The following SPP2 variants were observed in gnomAD, a reference collection of about 807,000 sequenced individuals.
SPP2 encodes the protein secreted phosphoprotein 2, also known as secreted phosphoprotein 24.
Under a neutral mutation model 28.8 loss-of-function variants are expected in SPP2, and 34 were observed. That is an observed-to-expected ratio of 1.18 (90% confidence interval 0.90 to 1.57). The LOEUF (loss-of-function observed/expected upper bound fraction) is 1.57, where lower values mean the gene tolerates loss of function less well. Among genes scored for constraint, SPP2 ranks in the 40% most tolerant of loss-of-function variants. The probability of loss-of-function intolerance (pLI) is 0.00; values close to 1 mark genes in which losing one functional copy is unlikely to be tolerated. For missense variants in SPP2, 269 were observed against 263.9 expected (o/e 1.02, Z -0.13); for synonymous variants, 96 against 89.4 (o/e 1.07, Z -0.42).
At chr2:234,064,626 T>C (rs1428825788) in intron 4 of SPP2, among the ~76,000 whole-genome samples, 1 of 152,236 alleles carries the variant, frequency 6.6e-6, no homozygotes, top group Non-Finnish European at 1.5e-5. Context: ...TTCAGTGGTT[T>C]CTAGCATATT....
chr2:234,054,462 T>G (rs541438142), intron 2 of SPP2, among the ~76,000 whole-genome samples: 1 of 152,284 alleles, frequency 6.6e-6, no homozygotes, highest in East Asian at 1.9e-4. Context: ...CACCAATTTA[T>G]TTCTCAGAAT....
intron 7 of SPP2, among the ~76,000 whole-genome samples, chr2:234,075,237 G>A (rs1184316459): frequency 3.9e-5 from 6 of 152,128 alleles, no homozygotes; most frequent in Admixed American, 1.3e-4. Context: ...GTGAGTAGGC[G>A]AATTCACAAA....
At chr2:234,071,548 A>G (rs757944154) in intron 7 of SPP2, among the ~76,000 whole-genome samples, 6 of 152,254 alleles carry the variant, frequency 3.9e-5, no homozygotes, top group Non-Finnish European at 2.9e-5. Flanking sequence ...AGATGGAATT[A>G]TAGATGTCGA....
At chr2:234,070,472 A>T (rs574752727) in intron 7 of SPP2, among the ~76,000 whole-genome samples, 1 of 152,120 alleles carries the variant, frequency 6.6e-6, no homozygotes, top group Admixed American at 6.5e-5. Context: ...TTATTAATTT[A>T]TTTTTTGAGA....
intron 5 of SPP2, among the ~76,000 whole-genome samples, chr2:234,067,006 T>G: frequency 6.6e-6 from 1 of 152,264 alleles, no homozygotes. Flanking sequence ...GCTCTCCTTC[T>G]TTCTTTTCTT....
chr2:234,051,660 T>C (rs979446786), intron 2 of SPP2, among the ~76,000 whole-genome samples: 1 of 152,188 alleles, frequency 6.6e-6, no homozygotes, highest in Non-Finnish European at 1.5e-5. Flanking sequence ...CAGCAAGTCA[T>C]CTCCCTTCTT....
chr2:234,055,232 A>G (rs1212097707), intron 2 of SPP2, among the ~76,000 whole-genome samples: 1 of 152,246 alleles, frequency 6.6e-6, no homozygotes. Flanking sequence ...GGAAAAAAGA[A>G]AATCTGATGA....
At chr2:234,071,037 A>G (rs997503195) in intron 7 of SPP2, among the ~76,000 whole-genome samples, 1 of 152,110 alleles carries the variant, frequency 6.6e-6, no homozygotes, top group Non-Finnish European at 1.5e-5. Flanking sequence ...TGGCATTACC[A>G]TCCACCTAAT....
intron 7 of SPP2, among the ~76,000 whole-genome samples, chr2:234,073,082 T>C (rs1005751747): frequency 2.4e-4 from 36 of 152,116 alleles, no homozygotes; most frequent in African/African-American, 6.5e-4. Context: ...GAGATGGGGT[T>C]TCACCATGTT....
intron 6 of SPP2, 115 bp from the exon 7 acceptor site, chr2:234,069,813 T>C (rs994993942): frequency 1.3e-6 from 1 of 766,224 alleles, no homozygotes; most frequent in African/African-American, 1.7e-5. Context: ...TCATGGCAGA[T>C]GGGTTCAGGT....
intron 2 of SPP2, among the ~76,000 whole-genome samples, 161 bp downstream of exon 2, chr2:234,051,256 T>C (rs114251288): frequency 0.011 from 1,746 of 152,306 alleles, 18 homozygotes; most frequent in Middle Eastern, 0.048. Context: ...AAAGATTTAA[T>C]TACAATTTTT....
chr2:234,067,366 A>T, intron 6 of SPP2, 92 bp downstream of exon 6: 1 of 1,154,334 alleles, frequency 8.7e-7, no homozygotes, highest in African/African-American at 1.5e-5. Flanking sequence ...TTCCTGTTTC[A>T]TAGGAGTTAA....
intron 6 of SPP2, among the ~76,000 whole-genome samples, chr2:234,067,652 C>T (rs1402950882): frequency 6.6e-6 from 1 of 151,914 alleles, no homozygotes; most frequent in Non-Finnish European, 1.5e-5. Flanking sequence ...TGGTGGGCGC[C>T]TGTAGTCCCA....
chr2:234,058,723 T>A, intron 2 of SPP2, 113 bp from the exon 3 acceptor site: 1 of 1,254,188 alleles, frequency 8.0e-7, no homozygotes, highest in African/African-American at 1.5e-5. Flanking sequence ...AATTTATTGC[T>A]TTCATGGTGG....
rs941995023 is a variant in SPP2, at chr2:234,077,010, C to T, written c.*176C>T. 1.3e-5 allele frequency: 2 copies of T among 152,050 alleles called. No homozygotes were observed. The highest frequency in any genetic ancestry group is 4.8e-5 in the African/African-American group (2 of 41,390). The allele number at this position is 152,050 out of a possible 1,614,324, so 9.4% of individuals were successfully genotyped here. On this transcript the variant is annotated 3_prime_UTR_variant, in exon 8 of 8. Transcript: ENST00000168148. ...CCACGGTGGTCTGACCCTCACACTCCTTTTCTCTTAACAGCAAAATGCAAT... is the reference window on the plus strand; with the variant it reads ...CCACGGTGGTCTGACCCTCACACTCTTTTTCTCTTAACAGCAAAATGCAAT...
intron 7 of SPP2, among the ~76,000 whole-genome samples, chr2:234,074,775 T>C (rs1690862781): frequency 6.6e-6 from 1 of 152,212 alleles, no homozygotes; most frequent in African/African-American, 2.4e-5. Context: ...AACCTTGCTT[T>C]ATGTGTGTTT....
At chr2:234,054,499 G>C (rs533318666) in intron 2 of SPP2, among the ~76,000 whole-genome samples, 1 of 152,164 alleles carries the variant, frequency 6.6e-6, no homozygotes, top group Non-Finnish European at 1.5e-5. Flanking sequence ...TGGGATGAGG[G>C]TGCCAGCATG....
chr2:234,065,335 G>A (rs548405039), intron 4 of SPP2, among the ~76,000 whole-genome samples: 27 of 152,150 alleles, frequency 1.8e-4, no homozygotes, highest in Admixed American at 1.2e-3. Flanking sequence ...TCTGGAGTGC[G>A]GTGGCACAAT....
At chr2:234,058,993 A>C in intron 3 of SPP2, 35 bp downstream of exon 3, 1 of 1,594,738 alleles carries the variant, frequency 6.3e-7, no homozygotes, top group Non-Finnish European at 8.5e-7. Context: ...GAAATGAACA[A>C]AAGGAAGAGC....
Sources: gnomAD v4.1 joint callset for allele counts (sites outside exome capture counted in the v4.1 genomes callset) on GRCh38, gnomAD v4.1.1 for gene constraint, MANE v1.5 for transcripts, NCBI Gene and HGNC (gene_info 2026-07-23, HGNC 2026-07-21) for gene names.